Variants in SLC75A1 observed in about 807,000 individuals in gnomAD.
The protein encoded by SLC75A1 is solute carrier family 75 member 1, also known as major facilitator superfamily domain containing 10.
the SLC75A1 span, chr4:2,931,615 G>A: frequency 1.2e-6 from 2 of 1,613,646 alleles, no homozygotes; most frequent in Non-Finnish European, 1.7e-6. Flanking sequence ...CACCCTGGAT[G>A]GTGGCCATGG....
chr4:2,934,163 G>A, the SLC75A1 span: 3 of 584,884 alleles, frequency 5.1e-6, no homozygotes, highest in Admixed American at 3.0e-5. Flanking sequence ...TAGCCGCAAA[G>A]GCAACGGTCC....
the SLC75A1 span, chr4:2,932,240 A>C: frequency 1.3e-6 from 2 of 1,546,556 alleles, no homozygotes; most frequent in Non-Finnish European, 8.7e-7. Flanking sequence ...CAACACCAAG[A>C]GAGCGGCCCA....
chr4:2,931,498 CG>C, the SLC75A1 span: 1 of 1,588,734 alleles, frequency 6.3e-7, no homozygotes, highest in Non-Finnish European at 8.6e-7. Context: ...CAGCACAGCC[CG>C]TGCCCTGCAG....
At chr4:2,932,813 C>T in the SLC75A1 span, 10 of 1,522,198 alleles carry the variant, frequency 6.6e-6, no homozygotes, top group Non-Finnish European at 8.8e-6. Flanking sequence ...CCAGGAGTGG[C>T]TCAGAGTAGG....
At chr4:2,931,129 G>C in the SLC75A1 span, 5 of 1,574,568 alleles carry the variant, frequency 3.2e-6, no homozygotes, top group Non-Finnish European at 4.3e-6. Flanking sequence ...ACCCATGACC[G>C]TGCCCTTCTG....
the SLC75A1 span, chr4:2,931,390 G>A: frequency 6.5e-7 from 1 of 1,550,352 alleles, no homozygotes; most frequent in East Asian, 2.4e-5. Context: ...GAGTAGAGCA[G>A]CAGCCCCAGG....
chr4:2,930,847 C>T, the SLC75A1 span: 23 of 1,612,942 alleles, frequency 1.4e-5, no homozygotes, highest in Non-Finnish European at 1.9e-5. Context: ...GCTACTCAGC[C>T]TTGAGCGTCT....
the SLC75A1 span, chr4:2,932,806 G>T: frequency 1.3e-6 from 2 of 1,526,430 alleles, no homozygotes; most frequent in Non-Finnish European, 1.8e-6. Flanking sequence ...CTTAAGGCCA[G>T]GAGTGGCTCA....
the SLC75A1 span, chr4:2,931,756 G>A: frequency 1.9e-6 from 3 of 1,540,880 alleles, no homozygotes; most frequent in Non-Finnish European, 2.7e-6. Context: ...CCTGGGGATG[G>A]GGGTTGCTTC....
At chr4:2,933,982 C>T in the SLC75A1 span, 1 of 1,508,152 alleles carries the variant, frequency 6.6e-7, no homozygotes, top group Admixed American at 2.0e-5. Context: ...GCGGGGAAGC[C>T]GAGTCCTCCG....
the SLC75A1 span, chr4:2,931,881 G>T: frequency 2.5e-6 from 4 of 1,611,308 alleles, no homozygotes; most frequent in South Asian, 4.4e-5. Context: ...CCAGGCCCGA[G>T]AACAGGAAGA....
At chr4:2,931,775 AG>A in the SLC75A1 span, 1 of 1,548,674 alleles carries the variant, frequency 6.5e-7, no homozygotes, top group South Asian at 1.2e-5. Context: ...TCCCTGAAGC[AG>A]GGGCGTTATT....
the SLC75A1 span, chr4:2,931,672 G>A: frequency 7.5e-6 from 12 of 1,609,884 alleles, no homozygotes; most frequent in East Asian, 8.9e-5. Context: ...GGCTGGGAGC[G>A]GGTGTGTTAG....
chr4:2,931,129 G>A, the SLC75A1 span: 51 of 1,574,450 alleles, frequency 3.2e-5, no homozygotes, highest in East Asian at 3.3e-4. Context: ...ACCCATGACC[G>A]TGCCCTTCTG....
chr4:2,933,175 A>G, the SLC75A1 span: 2 of 1,613,580 alleles, frequency 1.2e-6, no homozygotes. Context: ...GCGCACACAG[A>G]AACTGCAGGA....
At chr4:2,933,719 AG>A in the SLC75A1 span, 1 of 1,607,934 alleles carries the variant, frequency 6.2e-7, no homozygotes. Context: ...CCTGGGGGGC[AG>A]GGGGCACTGT....
the SLC75A1 span, chr4:2,934,122 G>T: frequency 1.6e-6 from 1 of 624,688 alleles, no homozygotes. Context: ...CAGGCAGCAG[G>T]AAACGCAGGC....
the SLC75A1 span, chr4:2,933,589 C>T: frequency 1.2e-6 from 2 of 1,613,828 alleles, no homozygotes; most frequent in East Asian, 4.5e-5. Flanking sequence ...CACTGTTGTA[C>T]CTCTTCTCCA....
At chr4:2,932,041 T>C in the SLC75A1 span, 3 of 1,610,616 alleles carry the variant, frequency 1.9e-6, no homozygotes, top group African/African-American at 4.0e-5. Flanking sequence ...GGTCGAGTCC[T>C]TACTGTCTCC....
Sources: allele counts gnomAD v4.1 joint callset, GRCh38; gene constraint gnomAD v4.1.1; transcripts MANE v1.5; gene names NCBI Gene and HGNC (gene_info 2026-07-23, HGNC 2026-07-21).